Variants in TFF2 observed in about 807,000 individuals in gnomAD.
TFF2 encodes the protein spasmolysin.
TFF2 carries 19 observed loss-of-function variants against 16.0 expected under a neutral mutation model. The ratio of observed to expected loss-of-function variants is 1.19; its 90% CI spans 0.83 to 1.74. The LOEUF (loss-of-function observed/expected upper bound fraction) is 1.74. Among genes scored for constraint, TFF2 ranks in the 40% most tolerant of loss-of-function variants. The pLI, the probability that TFF2 is intolerant of heterozygous loss-of-function variation, is 0.00. For missense variants in TFF2, 168 were observed against 166.8 expected, an observed-to-expected ratio of 1.01 and a Z score of -0.04; for synonymous variants, 61 against 65.4, an observed-to-expected ratio of 0.93 and a Z score of 0.32.
At position 42,349,958 on chromosome 21, in the gene TFF2, T is replaced by C; in HGVS notation, c.152A>G (p.Gln51Arg). ...GAAACAGCATCCATTGTCAAAACACTGGTCACTGGTGATTCCAGGGAAGCC... is the reference window on the plus strand; with the variant it reads ...GAAACAGCATCCATTGTCAAAACACCGGTCACTGGTGATTCCAGGGAAGCC... ...NCGFPGITSD[Q>R]CFDNGCCFDS... The change falls in exon 2 of 4, where the codon CAG (glutamine) becomes CGG (arginine). Residue 51 changes from glutamine to arginine, a missense_variant. Transcript: ENST00000291526. The C allele has an allele frequency of 3.8e-6, 6 of 1,599,042 alleles. No individual in the cohort carries two copies. Among genetic ancestry groups the C allele is most frequent in the Non-Finnish European group, 4.3e-6 (5 of 1,172,610 alleles).
At position 42,350,909 on chromosome 21, in the gene TFF2, G is replaced by A. The variant is rs2052112146; in HGVS notation, c.49C>T (p.Leu17=). The part of the protein sequence containing the change: ...QLLAALLVLG[L]CALAGSEKPS... ...TTCTCACTCCCCGCCAGGGCACATA[G>A]CCCCAGGACGAGGAGCGCTGCCAGG... Residue 17 remains leucine (L), a synonymous_variant, in exon 1 of 4, where the codon CTA becomes TTA. Coordinates refer to ENST00000291526, the MANE Select transcript of TFF2 (RefSeq NM_005423.5). 1 of 1,613,568 alleles carries A rather than the reference G, an allele frequency of 6.2e-7. No homozygotes were observed. Among genetic ancestry groups the A allele is most frequent in the Non-Finnish European group, 8.5e-7 (1 of 1,179,860 alleles).
At chr21:42,350,785 C>T in intron 1 of TFF2, 94 bp downstream of exon 1, 1 of 1,326,108 alleles carries the variant, frequency 7.5e-7, no homozygotes, top group South Asian at 1.4e-5. Context: ...CCTTTATAGC[C>T]ATTCCCCCTC....
At chr21:42,346,936 C>A (rs1253662652) in intron 3 of TFF2, among the ~76,000 whole-genome samples, 2 of 152,214 alleles carry the variant, frequency 1.3e-5, no homozygotes, top group Non-Finnish European at 2.9e-5. Context: ...TTTTACCTCG[C>A]CACACTCCGA....
At chr21:42,348,960 C>A (rs1448338373) in intron 2 of TFF2, among the ~76,000 whole-genome samples, 1 of 151,660 alleles carries the variant, frequency 6.6e-6, no homozygotes. Flanking sequence ...CCAGGCTAGT[C>A]CCAGACTAAC....
In TFF2 at chr21:42,346,527, C is replaced by T; in HGVS notation, c.*6G>A. ...AGCCAGATGCATCCTCTGGAACCAG[C>T]CTCTCTTAGTAATGGCAGTCTAGAA... On this transcript the variant is annotated 3_prime_UTR_variant, in exon 4 of 4. Transcript: ENST00000291526. 1 of 1,607,106 alleles carries T rather than the reference C, an allele frequency of 6.2e-7. No individual in the cohort carries two copies. The highest frequency in any genetic ancestry group is 8.5e-7 in the Non-Finnish European group (1 of 1,178,286).
chr21:42,348,765 C>A lies in TFF2; in HGVS notation c.229+1116G>T, dbSNP rs559279400. On this transcript the variant is annotated intron_variant, in intron 2 of 3. Transcript: ENST00000291526. ...TCCCAGACTAACCAACCTAACCAAC[C>A]TGGGCTACCTCTAGACTAACAGTCC... is the stretch of plus-strand genomic sequence containing the variant. Among the ~76,000 whole-genome samples, 33 of 152,162 alleles carry A rather than the reference C, an allele frequency of 2.2e-4. 1 individual carries two copies. The South Asian group carries it at 6.6e-3, about 31-fold the overall frequency.
chr21:42,350,403 C>A (rs1012553335), intron 1 of TFF2: 26 of 189,004 alleles, frequency 1.4e-4, no homozygotes, highest in Admixed American at 5.8e-4. Context: ...CATGATGGTC[C>A]ACAACTGTGG....
In TFF2 at chr21:42,350,023, G is replaced by T. The variant is rs1424046272; in HGVS notation, c.87C>A (p.Cys29Ter). Residue 29 changes from cysteine to a stop codon, truncating the protein, a stop_gained, in exon 2 of 4, where the codon TGC becomes TGA. Coordinates refer to ENST00000291526, the MANE Select transcript of TFF2 (RefSeq NM_005423.5). LOFTEE classifies it high-confidence loss of function. ...ALAGSEKPSPCQCSRLSPHNR... is the reference protein window; with the variant it reads ...ALAGSEKPSP ...TATGGGGGCTCAGCCTGGAGCACTG[G>T]CAGGGGGCTGTGGAAAGACCCTCAG... 2 of 1,597,846 alleles carry T rather than the reference G, an allele frequency of 1.3e-6. No individual in the cohort carries two copies. The highest frequency in any genetic ancestry group is 1.7e-5 in the Admixed American group (1 of 58,194).
At chr21:42,347,070 G>T (rs1357475898) in intron 3 of TFF2, among the ~76,000 whole-genome samples, 1 of 152,218 alleles carries the variant, frequency 6.6e-6, no homozygotes, top group African/African-American at 2.4e-5. Context: ...GGGGTCATGT[G>T]GGGGAGAACG....
chr21:42,347,574 G>C lies in TFF2; in HGVS notation c.288C>G (p.Ile96Met), dbSNP rs751735739. 8 of 1,614,108 alleles carry C rather than the reference G, an allele frequency of 5.0e-6. No individual in the cohort carries two copies. Among genetic ancestry groups the C allele is most frequent in the Non-Finnish European group, 6.8e-6 (8 of 1,180,050 alleles). ...TCCGAGAGGCGCATTCCTCGGGGCT[G>C]ATGCCCGGGTAGCCACAGTTTCTTC... Reference protein sequence around the residue: ...SDRRNCGYPGISPEECASRKC... With the variant: ...SDRRNCGYPGMSPEECASRKC... The change falls in exon 3 of 4, where the codon ATC (isoleucine) becomes ATG (methionine). Residue 96 changes from isoleucine to methionine, a missense_variant. Transcript: ENST00000291526.
intron 3 of TFF2, 120 bp downstream of exon 3, chr21:42,347,366 G>A (rs1364703596): frequency 4.5e-6 from 6 of 1,341,480 alleles, no homozygotes; most frequent in African/African-American, 1.4e-5. Context: ...GGAGGCAGGG[G>A]CCCTGGCCTC....
At position 42,346,527 on chromosome 21, in the gene TFF2, CCT is replaced by C. The variant is rs2052069399; in HGVS notation, c.*4_*5del. On this transcript the variant is annotated 3_prime_UTR_variant, in exon 4 of 4. Transcript: ENST00000291526. Reference sequence around the variant, plus strand: ...AGCCAGATGCATCCTCTGGAACCAGCCTCTCTTAGTAATGGCAGTCTAGAAGT... The same window carrying C: ...AGCCAGATGCATCCTCTGGAACCAGCCTCTTAGTAATGGCAGTCTAGAAGT... The C allele has an allele frequency of 2.5e-6, 4 of 1,606,988 alleles. No homozygotes were observed. Among genetic ancestry groups the C allele is most frequent in the African/African-American group, 1.3e-5 (1 of 74,164 alleles).
intron 2 of TFF2, among the ~76,000 whole-genome samples, chr21:42,348,145 A>G (rs2052083720): frequency 6.6e-6 from 1 of 152,218 alleles, no homozygotes; most frequent in Non-Finnish European, 1.5e-5. Context: ...CCTCCCAGCA[A>G]CAATCTTGGG....
chr21:42,349,234 G>GGGCTA (rs2052094049), intron 2 of TFF2, among the ~76,000 whole-genome samples: 1 of 151,190 alleles, frequency 6.6e-6, no homozygotes, highest in African/African-American at 2.4e-5. Flanking sequence ...ACCAGCCTAT[G>GGGCTA]CTAGCCCTAG....
intron 1 of TFF2, among the ~76,000 whole-genome samples, chr21:42,350,650 C>A (rs1417594180): frequency 6.6e-6 from 1 of 152,178 alleles, no homozygotes; most frequent in Non-Finnish European, 1.5e-5. Flanking sequence ...GAATGCCCTC[C>A]TGGCCCGACA....
chr21:42,350,817 CT>C (rs5844113), intron 1 of TFF2, 61 bp downstream of exon 1: 682,340 of 1,287,950 alleles, frequency 0.53, 146,546 homozygotes, highest in East Asian at 0.6. Context: ...TATGGTTGTG[CT>C]TTTTTTTTTT....
At chr21:42,347,968 C>A (rs1274894054) in intron 2 of TFF2, among the ~76,000 whole-genome samples, 1 of 152,150 alleles carries the variant, frequency 6.6e-6, no homozygotes. Flanking sequence ...ACTCAGTGTT[C>A]TCAGTAAATG....
intron 3 of TFF2, 121 bp downstream of exon 3, chr21:42,347,365 G>C: frequency 7.5e-7 from 1 of 1,328,558 alleles, no homozygotes; most frequent in South Asian, 1.4e-5. Flanking sequence ...AGGAGGCAGG[G>C]GCCCTGGCCT....
At chr21:42,348,238 C>T (rs997932640) in intron 2 of TFF2, among the ~76,000 whole-genome samples, 2 of 152,134 alleles carry the variant, frequency 1.3e-5, no homozygotes, top group African/African-American at 4.8e-5. Flanking sequence ...TTTGAGCACT[C>T]GTCGGCGTTA....
Sources: gnomAD v4.1 joint callset for allele counts (sites outside exome capture counted in the v4.1 genomes callset) on GRCh38, gnomAD v4.1.1 for gene constraint, MANE v1.5 for transcripts, NCBI Gene and HGNC (gene_info 2026-07-23, HGNC 2026-07-21) for gene names.